Variants in SPOCK1 observed in about 807,000 individuals in gnomAD.
The protein encoded by SPOCK1 is SPARC (osteonectin), cwcv and kazal like domains proteoglycan 1.
A neutral mutation model predicts 55.3 loss-of-function variants in SPOCK1; 23 were observed. The ratio of observed to expected loss-of-function variants is 0.42; its 90% CI spans 0.30 to 0.59. The LOEUF (loss-of-function observed/expected upper bound fraction) is 0.59, where lower values mean the gene tolerates loss of function less well. Among genes scored for constraint, SPOCK1 ranks in the 20% least tolerant of loss-of-function variants. The pLI, the probability that SPOCK1 is intolerant of heterozygous loss-of-function variation, is 0.22. For missense variants in SPOCK1, 499 were observed against 552.5 expected (o/e 0.90, Z 0.97); for synonymous variants, 226 against 221.0 (o/e 1.02, Z -0.20).
chr5:137,493,254 G>C (rs1026824439), intron 2 of SPOCK1, among the ~76,000 whole-genome samples: 1 of 152,160 alleles, frequency 6.6e-6, no homozygotes, highest in East Asian at 1.9e-4. Flanking sequence ...AAGAAATGAT[G>C]ATACATTATT....
intron 3 of SPOCK1, among the ~76,000 whole-genome samples, chr5:137,198,609 ATC>A (rs1303349745): frequency 2.0e-5 from 3 of 152,186 alleles, no homozygotes; most frequent in African/African-American, 4.8e-5. Flanking sequence ...TTTTTTGCTC[ATC>A]TCTGTCTATT....
intron 6 of SPOCK1, among the ~76,000 whole-genome samples, chr5:137,022,662 G>A (rs181435047): frequency 4.6e-5 from 7 of 152,038 alleles, no homozygotes; most frequent in South Asian, 2.1e-4. Flanking sequence ...TTCCCTAAGC[G>A]AAAAAAAGTG....
intron 5 of SPOCK1, among the ~76,000 whole-genome samples, chr5:137,104,345 A>C (rs1753326007): frequency 1.3e-5 from 2 of 152,220 alleles, no homozygotes; most frequent in African/African-American, 4.8e-5. Flanking sequence ...CCTCCCCAGA[A>C]GCAGAAGCTT....
At chr5:137,027,264 A>ATGCCTT (rs1243086443) in intron 6 of SPOCK1, among the ~76,000 whole-genome samples, 1 of 152,212 alleles carries the variant, frequency 6.6e-6, no homozygotes, top group Non-Finnish European at 1.5e-5. Flanking sequence ...GAGATGACAC[A>ATGCCTT]CAGATAGTGC....
intron 2 of SPOCK1, among the ~76,000 whole-genome samples, chr5:137,417,772 A>AT (rs1273539724): frequency 6.6e-6 from 1 of 151,698 alleles, no homozygotes; most frequent in Non-Finnish European, 1.5e-5. Context: ...AAGTTTTTCT[A>AT]TTTTTTTATC....
At chr5:137,483,866 G>A (rs1388336037) in intron 2 of SPOCK1, among the ~76,000 whole-genome samples, 1 of 152,220 alleles carries the variant, frequency 6.6e-6, no homozygotes, top group African/African-American at 2.4e-5. Flanking sequence ...CAGACCAAGA[G>A]AACTGTTGTG....
intron 3 of SPOCK1, among the ~76,000 whole-genome samples, chr5:137,238,214 A>G (rs1165164370): frequency 6.6e-6 from 1 of 152,260 alleles, no homozygotes; most frequent in African/African-American, 2.4e-5. Context: ...AATGACTGTT[A>G]TCAGTAGGTC....
chr5:137,237,559 T>A (rs1288094102), intron 3 of SPOCK1, among the ~76,000 whole-genome samples: 3 of 152,248 alleles, frequency 2.0e-5, no homozygotes, highest in Non-Finnish European at 4.4e-5. Flanking sequence ...GGAGCTAAGC[T>A]GAGCAAATAC....
At chr5:137,042,221 A>G (rs769020071) in intron 6 of SPOCK1, among the ~76,000 whole-genome samples, 3 of 152,234 alleles carry the variant, frequency 2.0e-5, no homozygotes, top group Non-Finnish European at 2.9e-5. Context: ...TGTAATGCAC[A>G]GTTCCATTTA....
At chr5:137,040,783 A>G (rs1014853663) in intron 6 of SPOCK1, among the ~76,000 whole-genome samples, 1 of 152,226 alleles carries the variant, frequency 6.6e-6, no homozygotes, top group African/African-American at 2.4e-5. Flanking sequence ...TTTGGGAACC[A>G]TAAGTGTCTG....
In SPOCK1 at chr5:137,430,906, G is replaced by A. The variant is rs147952436; in HGVS notation, c.186+67467C>T. ...TCTTTACACTGAGGGGTCATCACAT[G>A]ATCTAGTTCTGGCCACAGCGATGTC... On this transcript the variant is annotated intron_variant, in intron 2 of 10. Coordinates refer to ENST00000394945, the MANE Select transcript of SPOCK1 (RefSeq NM_004598.4). Among the ~76,000 whole-genome samples, 6 of 152,314 alleles carry A rather than the reference G, an allele frequency of 3.9e-5. No homozygotes were observed. In the East Asian group the frequency reaches 1.2e-3, roughly 29 times the overall value.
At chr5:137,474,478 G>T (rs1046706755) in intron 2 of SPOCK1, among the ~76,000 whole-genome samples, 1 of 152,142 alleles carries the variant, frequency 6.6e-6, no homozygotes, top group African/African-American at 2.4e-5. Context: ...CTGCCTCTGT[G>T]CATTTAAAGT....
At chr5:137,481,583 A>G (rs950266735) in intron 2 of SPOCK1, among the ~76,000 whole-genome samples, 47 of 152,230 alleles carry the variant, frequency 3.1e-4, no homozygotes, top group African/African-American at 1.1e-3. Flanking sequence ...CATTTCACAT[A>G]AACACTAACT....
At chr5:137,252,488 A>C (rs1460090970) in intron 3 of SPOCK1, among the ~76,000 whole-genome samples, 1 of 152,156 alleles carries the variant, frequency 6.6e-6, no homozygotes, top group African/African-American at 2.4e-5. Flanking sequence ...CTACAGCATG[A>C]GTTACTTAAT....
intron 3 of SPOCK1, among the ~76,000 whole-genome samples, chr5:137,252,900 T>C (rs1432062521): frequency 6.6e-6 from 1 of 152,100 alleles, no homozygotes; most frequent in Non-Finnish European, 1.5e-5. Context: ...AACAGCACAC[T>C]GGTAGGGACA....
At chr5:137,176,459 TC>T (rs1217711134) in intron 3 of SPOCK1, among the ~76,000 whole-genome samples, 1 of 151,928 alleles carries the variant, frequency 6.6e-6, no homozygotes, top group Admixed American at 6.6e-5. Context: ...AGACTCAGGA[TC>T]CTGACAGGCT....
At chr5:137,134,280 C>T (rs557181925) in intron 4 of SPOCK1, among the ~76,000 whole-genome samples, 6 of 152,324 alleles carry the variant, frequency 3.9e-5, no homozygotes, top group Non-Finnish European at 8.8e-5. Flanking sequence ...TAAGCAGCAA[C>T]CTTGAGCCAG....
chr5:137,392,761 G>T (rs1751753659), intron 2 of SPOCK1, among the ~76,000 whole-genome samples: 1 of 152,162 alleles, frequency 6.6e-6, no homozygotes, highest in Non-Finnish European at 1.5e-5. Flanking sequence ...GATTGCTTTT[G>T]TCCATCCCTT....
At chr5:137,063,793 T>G (rs1341759768) in intron 6 of SPOCK1, among the ~76,000 whole-genome samples, 1 of 152,206 alleles carries the variant, frequency 6.6e-6, no homozygotes, top group African/African-American at 2.4e-5. Flanking sequence ...GAAAGCCAAT[T>G]TGAGGCAAGC....
Sources: allele counts gnomAD v4.1 joint callset (sites outside exome capture counted in the v4.1 genomes callset), GRCh38; gene constraint gnomAD v4.1.1; transcripts MANE v1.5; gene names NCBI Gene and HGNC (gene_info 2026-07-23, HGNC 2026-07-21).